AKNAD1: variants seen among roughly 807,000 people sequenced by gnomAD.
AKNAD1 encodes the protein protein AKNAD1.
A neutral mutation model predicts 90.8 loss-of-function variants in AKNAD1; 67 were observed. That is an observed-to-expected ratio of 0.74 (90% CI 0.61 to 0.90). AKNAD1 has a LOEUF of 0.90. AKNAD1 is among the 40% of genes least tolerant of loss of function. AKNAD1 has a pLI of 0.00. For synonymous variants in AKNAD1, 327 were observed against 341.4 expected (o/e 0.96, Z 0.46); for missense variants, 957 against 975.4 (o/e 0.98, Z 0.25).
In AKNAD1 at chr1:108,843,181, TTGC is replaced by T. The variant is rs1283376658; in HGVS notation, c.1329_1331del (p.Gln444del). 1.2e-6 allele frequency: 2 copies of T among 1,614,082 alleles called. No individual in the cohort carries two copies. Among genetic ancestry groups the T allele is most frequent in the East Asian group, 2.2e-5 (1 of 44,900 alleles). On this transcript the variant is annotated inframe_deletion, in exon 6 of 16. Coordinates refer to ENST00000370001, the MANE Select transcript of AKNAD1 (RefSeq NM_152763.5). ...CGATTGTTGATTCGTGCTTGTGGAC[TTGC>T]TGCTGCAAAGTCAGATGCTTGTCCT...
chr1:108,820,383 CAAAT>C (rs886461221), intron 14 of AKNAD1, among the ~76,000 whole-genome samples, 158 bp downstream of exon 14: 1 of 152,184 alleles, frequency 6.6e-6, no homozygotes, highest in African/African-American at 2.4e-5. Flanking sequence ...ATTGAATAAA[CAAAT>C]GAATGATTGA....
chr1:108,816,588 GAA>G, intron 15 of AKNAD1, among the ~76,000 whole-genome samples: 1 of 152,248 alleles, frequency 6.6e-6, no homozygotes, highest in East Asian at 1.9e-4. Context: ...CAGAGAAAGA[GAA>G]AAAAAGAACA....
rs1570830612 is a variant in AKNAD1, at chr1:108,851,831, T to C, written c.834A>G (p.Lys278=). The C allele has an allele frequency of 1.2e-6, 2 of 1,613,890 alleles. No individual in the cohort carries two copies. Among genetic ancestry groups the C allele is most frequent in the African/African-American group, 2.7e-5 (2 of 74,992 alleles). The change falls in exon 2 of 16, where the codon AAA becomes AAG. Residue 278 remains lysine, a synonymous_variant. Coordinates refer to ENST00000370001, the MANE Select transcript of AKNAD1 (RefSeq NM_152763.5). The part of the protein sequence containing the change: ...VKIPKNKIIN[K]PLAIAKQASF... The stretch of plus-strand genomic sequence containing the variant: ...TGGCTTGTTTAGCTATTGCAAGTGG[T>C]TTATTAATTATCTTATTTTTAGGAA...
Position 108,836,763 on chromosome 1 carries a change from GA to G in AKNAD1, c.1536+786del, listed in dbSNP as rs1239553855. ...TTTATTTAAATGATTCTGTTTCTCA[GA>G]ATTTTGATTTTAGTCTGAATGTTCT... is the stretch of plus-strand genomic sequence containing the variant. On this transcript the variant is annotated intron_variant, in intron 7 of 15. Transcript: ENST00000370001. 5 of 152,308 alleles carry G rather than the reference GA, an allele frequency of 3.3e-5. No homozygotes were observed. The East Asian group carries it at 7.7e-4, about 24-fold the overall frequency. 9.4% of individuals were successfully genotyped at this position (152,308 alleles called of 1,614,324 possible).
intron 4 of AKNAD1, 29 bp downstream of exon 4, chr1:108,848,883 T>G: frequency 2.5e-6 from 4 of 1,598,936 alleles, no homozygotes; most frequent in Non-Finnish European, 3.4e-6. Context: ...GTTACTTATA[T>G]TGTTTATAAT....
chr1:108,844,310 C>G (rs1481455419), intron 5 of AKNAD1, among the ~76,000 whole-genome samples: 1 of 151,800 alleles, frequency 6.6e-6, no homozygotes, highest in Admixed American at 6.6e-5. Context: ...TTGCAGTGAG[C>G]CAAGATTGCA....
intron 1 of AKNAD1, among the ~76,000 whole-genome samples, chr1:108,854,393 C>G (rs954238043): frequency 4.6e-5 from 7 of 152,188 alleles, no homozygotes; most frequent in Non-Finnish European, 8.8e-5. Context: ...GAGCAGATCT[C>G]TGAGGTTCTC....
At chr1:108,832,051 T>TA (rs1447383408) in intron 9 of AKNAD1, among the ~76,000 whole-genome samples, 1 of 152,154 alleles carries the variant, frequency 6.6e-6, no homozygotes, top group Non-Finnish European at 1.5e-5. Flanking sequence ...GCTTCCCTTA[T>TA]AGTCTCCTTA....
At chr1:108,832,561 G>A (rs1664244261) in intron 9 of AKNAD1, among the ~76,000 whole-genome samples, 1 of 152,058 alleles carries the variant, frequency 6.6e-6, no homozygotes, top group Non-Finnish European at 1.5e-5. Context: ...TCTGCTCCTT[G>A]GGGAATTTGT....
intron 2 of AKNAD1, among the ~76,000 whole-genome samples, chr1:108,849,814 A>G (rs920492115): frequency 1.3e-5 from 2 of 152,190 alleles, no homozygotes; most frequent in African/African-American, 4.8e-5. Context: ...TAGTAAGTGA[A>G]CCTGCCTCAG....
intron 1 of AKNAD1, 70 bp from the exon 2 acceptor site, chr1:108,852,837 G>T: frequency 1.9e-6 from 1 of 529,550 alleles, no homozygotes; most frequent in Non-Finnish European, 3.0e-6. Context: ...CCAGAACAAA[G>T]TGGATGTTTT....
chr1:108,827,419 A>G, intron 10 of AKNAD1, 117 bp from the exon 11 acceptor site: 1 of 735,292 alleles, frequency 1.4e-6, no homozygotes, highest in Non-Finnish European at 2.3e-6. Context: ...ACAGTGTAGG[A>G]GGGGCTTGTC....
chr1:108,818,937 C>G (rs1663720765), intron 14 of AKNAD1, among the ~76,000 whole-genome samples: 1 of 135,190 alleles, frequency 7.4e-6, no homozygotes, highest in African/African-American at 2.8e-5. Context: ...TCACTCCAGC[C>G]TGGGCGAAAT....
At position 108,850,611 on chromosome 1, in the gene AKNAD1, A is replaced by G. The variant is rs775120526; in HGVS notation, c.994-1035T>C. ...ATTCAGTTGAAAGAGAGGGGAGCTG[A>G]AGTGTGAAAATGGAAATGGAAATTA... On this transcript the variant is annotated intron_variant, in intron 2 of 15. Transcript: ENST00000370001. Among the ~76,000 whole-genome samples the G allele has an allele frequency of 1.3e-4, 20 of 149,292 alleles. 1 individual carries two copies. The highest frequency in any genetic ancestry group is 1.5e-5 in the Non-Finnish European group (1 of 67,656).
At chr1:108,835,627 A>AT (rs200186739) in intron 7 of AKNAD1, among the ~76,000 whole-genome samples, 15,008 of 145,046 alleles carry the variant, frequency 0.1, 999 homozygotes, top group Non-Finnish European at 0.14. Context: ...TGTTAATTTA[A>AT]TTTTTTTTTT....
intron 14 of AKNAD1, among the ~76,000 whole-genome samples, chr1:108,818,578 T>G (rs1207776772): frequency 6.6e-6 from 1 of 152,206 alleles, no homozygotes; most frequent in Non-Finnish European, 1.5e-5. Context: ...CCTCAATGAG[T>G]TTGGCACCAT....
At chr1:108,853,949 A>G (rs936849126) in intron 1 of AKNAD1, among the ~76,000 whole-genome samples, 3 of 150,682 alleles carry the variant, frequency 2.0e-5, no homozygotes, top group African/African-American at 7.3e-5. Flanking sequence ...AAAAGAAAAA[A>G]AAAGAAATGT....
chr1:108,837,532 T>C lies in AKNAD1; in HGVS notation c.1536+18A>G, dbSNP rs1238667949. On this transcript the variant is annotated intron_variant, in intron 7 of 15. Transcript: ENST00000370001. The stretch of plus-strand genomic sequence containing the variant: ...CATTTTTCCTGGCACAAAATTAGAC[T>C]GTACATTGCTGTATTACCTCATTTG... 1 of 1,603,160 alleles carries C rather than the reference T, an allele frequency of 6.2e-7. No homozygotes were observed. Among genetic ancestry groups the C allele is most frequent in the African/African-American group, 1.3e-5 (1 of 74,784 alleles).
Position 108,851,890 on chromosome 1 carries a change from G to A in AKNAD1, c.775C>T (p.Pro259Ser). 6.2e-7 allele frequency: 1 copy of A among 1,613,986 alleles called. No homozygotes were observed. Among genetic ancestry groups the A allele is most frequent in the Non-Finnish European group, 8.5e-7 (1 of 1,179,952 alleles). Residue 259 changes from proline to serine, a missense_variant, in exon 2 of 16, where the codon CCT (proline) becomes TCT (serine). Pro to Ser is a moderately conservative substitution (Grantham distance 74). Transcript: ENST00000370001. ...TTGGGAGCAATCTTAGAGAAATCAG[G>A]GAGCTGGTAATGAACTTGACCTTGG... ...YGQGQVHYQL[P>S]DFSKIAPKVK...
Sources: allele counts gnomAD v4.1 joint callset (sites outside exome capture counted in the v4.1 genomes callset), GRCh38; gene constraint gnomAD v4.1.1; transcripts MANE v1.5; gene names NCBI Gene and HGNC (gene_info 2026-07-23, HGNC 2026-07-21).